The following TMEM41B variants were observed in gnomAD, a reference collection of about 807,000 sequenced individuals.
TMEM41B encodes the protein transmembrane protein 41B, also known as protein stasimon.
A neutral mutation model predicts 31.9 loss-of-function variants in TMEM41B; 18 were observed. The observed-to-expected ratio is 0.56, with a 90% CI of 0.39 to 0.84. The LOEUF (loss-of-function observed/expected upper bound fraction) is 0.84, where lower values mean the gene tolerates loss of function less well. Ranked by LOEUF, TMEM41B falls within the 40% of genes least tolerant of loss-of-function variation. The probability of loss-of-function intolerance (pLI) is 0.00; values close to 1 mark genes in which losing one functional copy is unlikely to be tolerated. For synonymous variants in TMEM41B, 144 were observed against 124.3 expected, an observed-to-expected ratio of 1.16 and a Z score of -1.05; for missense variants, 322 against 348.0, an observed-to-expected ratio of 0.93 and a Z score of 0.59.
intron 1 of TMEM41B, among the ~76,000 whole-genome samples, chr11:9,311,847 T>TC (rs965187023): frequency 1.3e-5 from 2 of 152,164 alleles, no homozygotes; most frequent in African/African-American, 4.8e-5. Context: ...GTCAAAGTGG[T>TC]CCACAGTCTA....
At chr11:9,303,454 A>G (rs1037437199) in intron 1 of TMEM41B, among the ~76,000 whole-genome samples, 16 of 152,028 alleles carry the variant, frequency 1.1e-4, no homozygotes, top group African/African-American at 3.6e-4. Context: ...AAGCATTTTA[A>G]TATCTGTTTA....
intron 6 of TMEM41B, among the ~76,000 whole-genome samples, chr11:9,285,454 ATTAAC>A (rs1231963212): frequency 6.6e-6 from 1 of 152,154 alleles, no homozygotes; most frequent in Non-Finnish European, 1.5e-5. Context: ...TCTCACAAGT[ATTAAC>A]TTAAGCTTTA....
chr11:9,286,747 C>G (rs1199216465), intron 5 of TMEM41B, among the ~76,000 whole-genome samples, 154 bp from the exon 6 acceptor site: 1 of 152,226 alleles, frequency 6.6e-6, no homozygotes, highest in Non-Finnish European at 1.5e-5. Flanking sequence ...TGCCTGTAAT[C>G]CCAGCACTTT....
intron 3 of TMEM41B, among the ~76,000 whole-genome samples, chr11:9,292,030 G>T (rs1034058994): frequency 6.6e-6 from 1 of 152,056 alleles, no homozygotes; most frequent in African/African-American, 2.4e-5. Context: ...ACATAAATAT[G>T]ATACCATTGT....
At chr11:9,293,268 A>G (rs995534051) in intron 3 of TMEM41B, among the ~76,000 whole-genome samples, 4 of 151,978 alleles carry the variant, frequency 2.6e-5, no homozygotes, top group Non-Finnish European at 5.9e-5. Context: ...ACATCCAGCT[A>G]ATTTTTGTAT....
intron 2 of TMEM41B, among the ~76,000 whole-genome samples, chr11:9,298,610 A>T (rs940760837): frequency 6.6e-6 from 1 of 152,074 alleles, no homozygotes; most frequent in South Asian, 2.1e-4. Context: ...TACTAAAAAT[A>T]CAAAAATTAG....
At chr11:9,303,564 G>A (rs1200451868) in intron 1 of TMEM41B, among the ~76,000 whole-genome samples, 1 of 150,608 alleles carries the variant, frequency 6.6e-6, no homozygotes, top group Non-Finnish European at 1.5e-5. Context: ...AATTTAGCAA[G>A]TTTTCTATAA....
chr11:9,304,770 G>A (rs1853342628), intron 1 of TMEM41B, among the ~76,000 whole-genome samples: 1 of 151,914 alleles, frequency 6.6e-6, no homozygotes, highest in South Asian at 2.1e-4. Context: ...CAATTTTCCT[G>A]CCTCAATCTC....
chr11:9,288,689 T>C (rs1852890093), intron 3 of TMEM41B, 154 bp from the exon 4 acceptor site: 2 of 536,046 alleles, frequency 3.7e-6, no homozygotes, highest in East Asian at 6.5e-5. Context: ...TACTAAACAG[T>C]ATCATAAATA....
Position 9,281,041 on chromosome 11 carries a change from G to A in TMEM41B, c.*2383C>T, listed in dbSNP as rs1852708676. ...AAAATATACCCCACCTAAAGTCGCAGCTACCATTAACAAAAAAAAAAATTA... is the reference window on the plus strand; with the variant it reads ...AAAATATACCCCACCTAAAGTCGCAACTACCATTAACAAAAAAAAAAATTA... On this transcript the variant is annotated 3_prime_UTR_variant, in exon 7 of 7. Transcript: ENST00000528080. 2.0e-5 allele frequency: 3 copies of A among 151,540 alleles called. No individual in the cohort carries two copies. The South Asian group carries it at 6.2e-4, about 32-fold the overall frequency. The allele number at this position is 151,540 out of a possible 1,614,324, so 9.4% of individuals were successfully genotyped here.
chr11:9,314,481 C>A lies in TMEM41B; in HGVS notation c.-40G>T, dbSNP rs1197175829. 1.3e-6 allele frequency: 2 copies of A among 1,527,372 alleles called. No individual in the cohort carries two copies. Among genetic ancestry groups the A allele is most frequent in the Admixed American group, 2.1e-5 (1 of 48,412 alleles). 94.6% of individuals were successfully genotyped at this position (1,527,372 alleles called of 1,614,324 possible). A position where few individuals can be genotyped will look rare whatever the true frequency, so the allele number is the denominator to read the frequency against. ...GAAGGGAGCGGTGCGGTGCCGCGCCCCCTAAACAACAAAACTCTGTTGCAG... is the reference window on the plus strand; with the variant it reads ...GAAGGGAGCGGTGCGGTGCCGCGCCACCTAAACAACAAAACTCTGTTGCAG... On this transcript the variant is annotated 5_prime_UTR_variant, in exon 1 of 7. Coordinates refer to ENST00000528080, the MANE Select transcript of TMEM41B (RefSeq NM_015012.4).
intron 1 of TMEM41B, 41 bp from the exon 2 acceptor site, chr11:9,299,742 G>A (rs367638036): frequency 7.4e-6 from 10 of 1,350,488 alleles, no homozygotes; most frequent in Admixed American, 4.0e-5. Flanking sequence ...AAATATAAAG[G>A]AAGACATGCT....
intron 1 of TMEM41B, 33 bp from the exon 2 acceptor site, chr11:9,299,734 A>T (rs767348368): frequency 5.7e-6 from 8 of 1,415,754 alleles, no homozygotes; most frequent in Non-Finnish European, 7.9e-6. Context: ...ATTAAGATAA[A>T]TATAAAGGAA....
chr11:9,311,658 G>T, intron 1 of TMEM41B: 1 of 844,826 alleles, frequency 1.2e-6, no homozygotes, highest in Non-Finnish European at 2.0e-6. Flanking sequence ...ATATGGATTT[G>T]GCCCTGGCTG....
intron 2 of TMEM41B, among the ~76,000 whole-genome samples, chr11:9,296,428 C>T (rs1171220278): frequency 6.6e-6 from 1 of 151,470 alleles, no homozygotes; most frequent in East Asian, 2.0e-4. Context: ...GAGTTCGAGA[C>T]CAGCCTGGCA....
At position 9,314,443 on chromosome 11, in the gene TMEM41B, G is replaced by C; in HGVS notation, c.-2C>G. ...TTCGGCGACTCTGCCTTTCGCCATGGCTGCTGCAAGGTGAAGGGAGCGGTG... is the reference window on the plus strand; with the variant it reads ...TTCGGCGACTCTGCCTTTCGCCATGCCTGCTGCAAGGTGAAGGGAGCGGTG... On this transcript the variant is annotated 5_prime_UTR_variant, in exon 1 of 7. Transcript: ENST00000528080. The C allele has an allele frequency of 6.4e-7, 1 of 1,555,094 alleles. No individual in the cohort carries two copies. Among genetic ancestry groups the C allele is most frequent in the Non-Finnish European group, 8.7e-7 (1 of 1,148,882 alleles).
chr11:9,288,570 T>G, intron 3 of TMEM41B, 35 bp from the exon 4 acceptor site: 3 of 1,399,200 alleles, frequency 2.1e-6, no homozygotes, highest in Non-Finnish European at 2.9e-6. Context: ...AGAATATAAT[T>G]AAGTAGAATT....
intron 3 of TMEM41B, among the ~76,000 whole-genome samples, chr11:9,289,808 CT>C (rs1344127218): frequency 1.3e-5 from 2 of 152,146 alleles, no homozygotes; most frequent in Non-Finnish European, 2.9e-5. Flanking sequence ...GTGAACTGTA[CT>C]TTTTCTTCTA....
intron 1 of TMEM41B, among the ~76,000 whole-genome samples, chr11:9,307,134 C>G (rs554028621): frequency 1.3e-5 from 2 of 152,270 alleles, no homozygotes; most frequent in East Asian, 1.9e-4. Context: ...TCTCCTACTA[C>G]TTTTACAAAG....
Sources: gnomAD v4.1 joint callset for allele counts (sites outside exome capture counted in the v4.1 genomes callset) on GRCh38, gnomAD v4.1.1 for gene constraint, MANE v1.5 for transcripts, NCBI Gene and HGNC (gene_info 2026-07-23, HGNC 2026-07-21) for gene names.